GRM1: variants seen among roughly 807,000 people sequenced by gnomAD.
GRM1 encodes the protein metabotropic glutamate receptor 1.
In GRM1, 33 loss-of-function variants were observed where a neutral mutation model predicts 90.9. The ratio of observed to expected loss-of-function variants is 0.36; its 90% CI spans 0.28 to 0.49. The LOEUF is 0.49. Among genes scored for constraint, GRM1 ranks in the 20% least tolerant of loss-of-function variants. The pLI, the probability that GRM1 is intolerant of heterozygous loss-of-function variation, is 0.99. For synonymous variants in GRM1, 700 were observed against 613.2 expected, an observed-to-expected ratio of 1.14 and a Z score of -2.09; for missense variants, 1,190 against 1,534.3, an observed-to-expected ratio of 0.78 and a Z score of 3.75.
chr6:146,202,790 C>A (rs1193744747), intron 2 of GRM1, among the ~76,000 whole-genome samples: 1 of 152,176 alleles, frequency 6.6e-6, no homozygotes, highest in Non-Finnish European at 1.5e-5. Context: ...GCTGGGTTGG[C>A]TGCAAGAACT....
chr6:146,233,026 G>T (rs1486603036), intron 2 of GRM1, among the ~76,000 whole-genome samples: 2 of 151,530 alleles, frequency 1.3e-5, no homozygotes, highest in Non-Finnish European at 2.9e-5. Context: ...GATCAATGGG[G>T]TCACATATTT....
chr6:146,071,873 T>G (rs939742616), intron 1 of GRM1, among the ~76,000 whole-genome samples: 1 of 152,054 alleles, frequency 6.6e-6, no homozygotes, highest in Non-Finnish European at 1.5e-5. Context: ...GCTACTGAAG[T>G]TAGTATGACC....
At chr6:146,035,768 A>T (rs1405615112) in intron 1 of GRM1, among the ~76,000 whole-genome samples, 2 of 151,968 alleles carry the variant, frequency 1.3e-5, no homozygotes, top group African/African-American at 4.8e-5. Flanking sequence ...ATACTTAAAA[A>T]TTTTTATCTT....
chr6:146,075,552 T>C (rs1021790225), intron 1 of GRM1, among the ~76,000 whole-genome samples: 6 of 152,160 alleles, frequency 3.9e-5, no homozygotes, highest in Non-Finnish European at 8.8e-5. Flanking sequence ...AATGAGGAGA[T>C]AGAATCTGCA....
intron 7 of GRM1, among the ~76,000 whole-genome samples, chr6:146,413,992 C>A (rs1393367271): frequency 2.6e-5 from 4 of 152,096 alleles, no homozygotes; most frequent in Non-Finnish European, 4.4e-5. Context: ...CTCACTATGA[C>A]AAATAAAGGT....
At chr6:146,421,689 C>T (rs907295979) in intron 7 of GRM1, among the ~76,000 whole-genome samples, 2 of 152,082 alleles carry the variant, frequency 1.3e-5, no homozygotes, top group Non-Finnish European at 2.9e-5. Flanking sequence ...TCTGTAGTCT[C>T]TTACTAGCTT....
rs534377630 is a variant in GRM1, at chr6:146,061,083, A to G, written c.700+30866A>G. 3.3e-5 allele frequency among the ~76,000 whole-genome samples: 5 copies of G among 152,194 alleles called. No individual in the cohort carries two copies. In the East Asian group the frequency reaches 7.7e-4, roughly 24 times the overall value. Reference sequence around the variant, plus strand: ...CTGTGGAGAGGGAGAGAGATGGGGGAATGCCGAGGCAGTAGAGCCATCAGA... The same window carrying G: ...CTGTGGAGAGGGAGAGAGATGGGGGGATGCCGAGGCAGTAGAGCCATCAGA... On this transcript the variant is annotated intron_variant, in intron 1 of 7. Coordinates refer to ENST00000282753, the MANE Select transcript of GRM1 (RefSeq NM_001278064.2).
intron 2 of GRM1, among the ~76,000 whole-genome samples, chr6:146,168,321 C>T (rs1777983547): frequency 6.6e-6 from 1 of 151,588 alleles, no homozygotes; most frequent in African/African-American, 2.4e-5. Context: ...TGCCCATGTC[C>T]CAAGAATATT....
intron 7 of GRM1, among the ~76,000 whole-genome samples, chr6:146,422,552 A>C (rs559450758): frequency 6.6e-6 from 1 of 152,174 alleles, no homozygotes; most frequent in Non-Finnish European, 1.5e-5. Flanking sequence ...TTTTTCAACA[A>C]TCCTTCTTTA....
At chr6:146,242,387 G>A (rs745478538) in intron 2 of GRM1, among the ~76,000 whole-genome samples, 1 of 152,058 alleles carries the variant, frequency 6.6e-6, no homozygotes, top group Non-Finnish European at 1.5e-5. Flanking sequence ...GATTGATGAA[G>A]GAGGACCAGA....
At chr6:146,356,119 CA>C (rs1470657719) in intron 4 of GRM1, among the ~76,000 whole-genome samples, 1 of 152,042 alleles carries the variant, frequency 6.6e-6, no homozygotes, top group East Asian at 1.9e-4. Flanking sequence ...ATGGTTATGC[CA>C]GTACAAAGTT....
intron 2 of GRM1, among the ~76,000 whole-genome samples, chr6:146,173,938 G>C (rs1303693756): frequency 6.6e-6 from 1 of 152,076 alleles, no homozygotes; most frequent in African/African-American, 2.4e-5. Flanking sequence ...TTACAGGTGT[G>C]AGCCACCGCA....
rs150054299 is a variant in GRM1 at position 146,216,036 on chromosome 6, C to T, written c.950+56439C>T. Among the ~76,000 whole-genome samples the T allele has an allele frequency of 4.0e-3, 603 of 152,250 alleles. 5 individuals carry two copies. Among genetic ancestry groups the T allele is most frequent in the African/African-American group, 0.013 (540 of 41,540 alleles). ...CCTCCCAAAGTGCTGGGATTACAGG[C>T]GTGAGCCACAGCACCTGACCAAACA... On this transcript the variant is annotated intron_variant, in intron 2 of 7. Transcript: ENST00000282753.
intron 2 of GRM1, among the ~76,000 whole-genome samples, chr6:146,300,416 A>G (rs965691856): frequency 6.6e-6 from 1 of 152,222 alleles, no homozygotes; most frequent in Non-Finnish European, 1.5e-5. Flanking sequence ...ATTAGAATGT[A>G]TAAGATAGAA....
At chr6:146,361,197 CA>C (rs1301389255) in intron 5 of GRM1, among the ~76,000 whole-genome samples, 2 of 152,136 alleles carry the variant, frequency 1.3e-5, no homozygotes, top group African/African-American at 4.8e-5. Flanking sequence ...GTGAGTCCAA[CA>C]GGGGCAGTTC....
intron 4 of GRM1, among the ~76,000 whole-genome samples, chr6:146,352,732 C>T (rs1383283858): frequency 1.3e-5 from 2 of 152,146 alleles, no homozygotes; most frequent in Non-Finnish European, 2.9e-5. Context: ...CAGTGCCATC[C>T]CCTAACTCAC....
rs1332863249 is a variant in GRM1, at chr6:146,330,958, A to G, written c.1187-21292A>G. Among the ~76,000 whole-genome samples, 6 of 152,218 alleles carry G rather than the reference A, an allele frequency of 3.9e-5. No individual in the cohort carries two copies. The East Asian group carries it at 9.6e-4, about 24-fold the overall frequency. On this transcript the variant is annotated intron_variant, in intron 3 of 7. Transcript: ENST00000282753. ...TATAACTAACAGGAACTAATCATAT[A>G]TAACAGCAAGCTAAGCTGAAATAAT...
chr6:146,232,705 A>G (rs1163208769), intron 2 of GRM1, among the ~76,000 whole-genome samples: 1 of 151,874 alleles, frequency 6.6e-6, no homozygotes, highest in Admixed American at 6.6e-5. Flanking sequence ...CTAGCACACT[A>G]GTTATATTGC....
intron 2 of GRM1, among the ~76,000 whole-genome samples, chr6:146,275,220 G>A (rs1782310182): frequency 6.6e-6 from 1 of 152,066 alleles, no homozygotes; most frequent in African/African-American, 2.4e-5. Context: ...ATACCACAGA[G>A]CTTCAGAGGT....
Sources: allele counts gnomAD v4.1 joint callset (sites outside exome capture counted in the v4.1 genomes callset), GRCh38; gene constraint gnomAD v4.1.1; transcripts MANE v1.5; gene names NCBI Gene and HGNC (gene_info 2026-07-23, HGNC 2026-07-21).